Variants in CPA6 observed in about 807,000 individuals in gnomAD.
CPA6 encodes the protein carboxypeptidase B.
A neutral mutation model predicts 63.3 loss-of-function variants in CPA6; 58 were observed. The observed-to-expected ratio is 0.92, with a 90% CI of 0.74 to 1.14. The LOEUF (loss-of-function observed/expected upper bound fraction) is 1.14, where lower values mean the gene tolerates loss of function less well. Among genes scored for constraint, CPA6 ranks in the 50% most tolerant of loss-of-function variants. The probability of loss-of-function intolerance (pLI) is 0.00; values close to 1 mark genes in which losing one functional copy is unlikely to be tolerated. For missense variants in CPA6, 565 were observed against 526.6 expected (o/e 1.07, Z -0.71); for synonymous variants, 185 against 179.0 (o/e 1.03, Z -0.27).
At chr8:67,475,926 CTTTCTTTCTCTT>C (rs1811221246) in intron 8 of CPA6, among the ~76,000 whole-genome samples, 1 of 81,146 alleles carries the variant, frequency 1.2e-5, no homozygotes, top group Non-Finnish European at 2.4e-5. Flanking sequence ...TTCTTTCTTT[CTTTCTTTCTCTT>C]TCTTTCTCTG....
intron 1 of CPA6, among the ~76,000 whole-genome samples, chr8:67,738,963 C>A (rs560016955): frequency 7.2e-4 from 110 of 152,306 alleles, no homozygotes; most frequent in Non-Finnish European, 1.2e-3. Context: ...ACTTTTGTAG[C>A]TTGCACAATA....
intron 1 of CPA6, among the ~76,000 whole-genome samples, chr8:67,695,785 T>C (rs1351670020): frequency 4.6e-5 from 7 of 152,156 alleles, no homozygotes; most frequent in African/African-American, 1.2e-4. Flanking sequence ...GTGTCCAATA[T>C]ATGGTGCTGT....
At chr8:67,713,531 G>A (rs1817317060) in intron 1 of CPA6, among the ~76,000 whole-genome samples, 1 of 152,140 alleles carries the variant, frequency 6.6e-6, no homozygotes. Flanking sequence ...GAAAAAGAGT[G>A]AGGAGAAACC....
chr8:67,579,563 C>A (rs1461704713), intron 2 of CPA6, among the ~76,000 whole-genome samples: 1 of 152,104 alleles, frequency 6.6e-6, no homozygotes, highest in Non-Finnish European at 1.5e-5. Flanking sequence ...ATTATAAAAC[C>A]TACACTTAAA....
At chr8:67,732,602 G>A (rs1817727169) in intron 1 of CPA6, 1 of 152,276 alleles carries the variant, frequency 6.6e-6, no homozygotes, top group Non-Finnish European at 1.5e-5. Context: ...AGAGTGGCAT[G>A]GGCTCTCAGA....
chr8:67,589,957 T>C (rs1018227752), intron 2 of CPA6, among the ~76,000 whole-genome samples: 1 of 151,998 alleles, frequency 6.6e-6, no homozygotes, highest in Non-Finnish European at 1.5e-5. Flanking sequence ...GTTACATATG[T>C]ATACATGTGC....
intron 1 of CPA6, among the ~76,000 whole-genome samples, chr8:67,661,172 T>C (rs1195815839): frequency 1.3e-5 from 2 of 152,168 alleles, no homozygotes; most frequent in African/African-American, 4.8e-5. Context: ...ATTTTAGATA[T>C]GGCGGTCAAG....
At chr8:67,594,699 T>C (rs186712478) in intron 2 of CPA6, among the ~76,000 whole-genome samples, 3,457 of 152,334 alleles carry the variant, frequency 0.023, 68 homozygotes, top group African/African-American at 0.052. Flanking sequence ...GCATTCTTCA[T>C]GTAGTTCTCG....
At chr8:67,503,737 ATATTAT>A (rs1216460602) in intron 6 of CPA6, among the ~76,000 whole-genome samples, 1 of 151,908 alleles carries the variant, frequency 6.6e-6, no homozygotes, top group Non-Finnish European at 1.5e-5. Flanking sequence ...TGCATGCATT[ATATTAT>A]TATTATTATT....
At chr8:67,692,520 G>T (rs938256015) in intron 1 of CPA6, among the ~76,000 whole-genome samples, 3 of 152,088 alleles carry the variant, frequency 2.0e-5, no homozygotes, top group Admixed American at 6.5e-5. Flanking sequence ...ATGTTTTAAT[G>T]ATCAATAGTA....
chr8:67,710,531 C>T (rs1268414781), intron 1 of CPA6, among the ~76,000 whole-genome samples: 1 of 151,274 alleles, frequency 6.6e-6, no homozygotes, highest in African/African-American at 2.4e-5. Flanking sequence ...GATGTTATAC[C>T]AGAGTCAGGT....
At chr8:67,733,219 A>AT (rs1817746714) in intron 1 of CPA6, among the ~76,000 whole-genome samples, 2 of 110,010 alleles carry the variant, frequency 1.8e-5, no homozygotes, top group African/African-American at 4.0e-5. Context: ...AAAAAAAAAA[A>AT]AAAAATAAAA....
At chr8:67,715,152 G>T (rs987492609) in intron 1 of CPA6, among the ~76,000 whole-genome samples, 4 of 152,118 alleles carry the variant, frequency 2.6e-5, no homozygotes, top group Non-Finnish European at 5.9e-5. Context: ...GGTGTCCTAT[G>T]ATTAAATTCC....
intron 1 of CPA6, among the ~76,000 whole-genome samples, chr8:67,725,307 A>C (rs974018): frequency 0.056 from 8,598 of 152,180 alleles, 473 homozygotes; most frequent in African/African-American, 0.14. Flanking sequence ...TATATTCCTA[A>C]TATCTAAAAC....
intron 8 of CPA6, among the ~76,000 whole-genome samples, chr8:67,466,823 G>A (rs1810936997): frequency 6.6e-6 from 1 of 152,082 alleles, no homozygotes; most frequent in Non-Finnish European, 1.5e-5. Context: ...TGGCATTTTA[G>A]TATATGTTTC....
At chr8:67,528,823 T>C (rs932085426) in intron 2 of CPA6, among the ~76,000 whole-genome samples, 4 of 152,014 alleles carry the variant, frequency 2.6e-5, no homozygotes, top group Non-Finnish European at 5.9e-5. Context: ...ACTTTCTAGC[T>C]TTATTATTCT....
intron 1 of CPA6, among the ~76,000 whole-genome samples, chr8:67,681,994 CA>C (rs1816609116): frequency 2.6e-5 from 4 of 152,042 alleles, no homozygotes; most frequent in South Asian, 2.1e-4. Flanking sequence ...ATCAATAATT[CA>C]GGGGGAAAAA....
intron 1 of CPA6, among the ~76,000 whole-genome samples, chr8:67,665,861 T>A (rs948629538): frequency 1.3e-5 from 2 of 152,232 alleles, no homozygotes; most frequent in Admixed American, 6.5e-5. Flanking sequence ...AAAATGGGCC[T>A]ATCACACTGG....
At chr8:67,537,099 G>A (rs1175048975) in intron 2 of CPA6, among the ~76,000 whole-genome samples, 1 of 152,160 alleles carries the variant, frequency 6.6e-6, no homozygotes. Flanking sequence ...CTGTTTGCCT[G>A]TATTTTATTG....
Sources: allele counts gnomAD v4.1 joint callset (sites outside exome capture counted in the v4.1 genomes callset), GRCh38; gene constraint gnomAD v4.1.1; transcripts MANE v1.5; gene names NCBI Gene and HGNC (gene_info 2026-07-23, HGNC 2026-07-21).